Variants in TTC7B observed in about 807,000 individuals in gnomAD.
TTC7B encodes the protein tetratricopeptide repeat domain 7B.
Under a neutral mutation model 106.8 loss-of-function variants are expected in TTC7B, and 28 were observed. That is an observed-to-expected ratio of 0.26 (90% CI 0.19 to 0.36). The LOEUF is 0.36. Ranked by LOEUF, TTC7B falls within the 10% of genes least tolerant of loss-of-function variation. TTC7B has a pLI of 1.00. For synonymous variants in TTC7B, 405 were observed against 430.6 expected, an observed-to-expected ratio of 0.94 and a Z score of 0.74; for missense variants, 862 against 1,076.4, an observed-to-expected ratio of 0.80 and a Z score of 2.79.
At chr14:90,591,572 C>T (rs1891959167) in intron 18 of TTC7B, among the ~76,000 whole-genome samples, 2 of 152,204 alleles carry the variant, frequency 1.3e-5, no homozygotes, top group African/African-American at 2.4e-5. Flanking sequence ...GCAAGAGAAG[C>T]ACCACCTTCG....
intron 17 of TTC7B, among the ~76,000 whole-genome samples, chr14:90,609,367 T>A (rs1566796513): frequency 6.6e-6 from 1 of 152,260 alleles, no homozygotes; most frequent in Non-Finnish European, 1.5e-5. Flanking sequence ...CTTTTGGATC[T>A]GATTTCTCAA....
chr14:90,590,293 C>T (rs1806645333), intron 18 of TTC7B, among the ~76,000 whole-genome samples: 1 of 152,190 alleles, frequency 6.6e-6, no homozygotes. Flanking sequence ...TATACATGCA[C>T]AGACAAGTGG....
rs1309354997 is a variant in TTC7B, at chr14:90,534,545, G to T, written c.*6823C>A. 3 of 152,596 alleles carry T rather than the reference G, an allele frequency of 2.0e-5. No individual in the cohort carries two copies. Among genetic ancestry groups the T allele is most frequent in the African/African-American group, 7.2e-5 (3 of 41,594 alleles). The allele number at this position is 152,596 out of a possible 1,614,324, so 9.5% of individuals were successfully genotyped here. ...AGTTTACAGAACTTCAATATGAGTG[G>T]TGTCCCCTCACTGGGCAATGCCCAC... is the stretch of plus-strand genomic sequence containing the variant. On this transcript the variant is annotated 3_prime_UTR_variant, in exon 20 of 20. Transcript: ENST00000328459.
intron 15 of TTC7B, among the ~76,000 whole-genome samples, chr14:90,623,211 C>A (rs1260140874): frequency 2.0e-5 from 3 of 152,174 alleles, no homozygotes; most frequent in Admixed American, 2.0e-4. Context: ...AGCCAGGAAA[C>A]TTCTGCTTTG....
chr14:90,724,235 T>C (rs1217918216), intron 5 of TTC7B, among the ~76,000 whole-genome samples: 2 of 152,164 alleles, frequency 1.3e-5, no homozygotes, highest in African/African-American at 2.4e-5. Context: ...TGATAACACA[T>C]ACAACTATCC....
chr14:90,807,353 C>T lies in TTC7B; in HGVS notation c.121+8822G>A, dbSNP rs1262624356. 6.6e-6 allele frequency among the ~76,000 whole-genome samples: 1 copy of T among 152,182 alleles called. No individual in the cohort carries two copies. The highest frequency in any genetic ancestry group is 1.5e-5 in the Non-Finnish European group (1 of 68,026). Reference sequence around the variant, plus strand: ...CTACAGGGTCACATTCTGTCTCCCACTCGGACAACCACGTCTAAAGTCTGG... The same window carrying T: ...CTACAGGGTCACATTCTGTCTCCCATTCGGACAACCACGTCTAAAGTCTGG... On this transcript the variant is annotated intron_variant, in intron 1 of 19. Coordinates refer to ENST00000328459, the MANE Select transcript of TTC7B (RefSeq NM_001010854.2). The surrounding 1 kb of genome is among the most constrained non-coding windows in gnomAD (Gnocchi z 4.1).
chr14:90,794,251 G>A (rs1414832831), intron 1 of TTC7B, among the ~76,000 whole-genome samples: 6 of 131,070 alleles, frequency 4.6e-5, no homozygotes, highest in African/African-American at 1.3e-4. Context: ...ACGGAGTCTC[G>A]CTCTGTCACC....
At position 90,766,711 on chromosome 14, in the gene TTC7B, G is replaced by A. The variant is rs897350696; in HGVS notation, c.445+14027C>T. ...CACCAAGAGGGCGGGAGAACTCACT[G>A]AGGATGAGGTGGAACGTGTGATCAC... is the stretch of plus-strand genomic sequence containing the variant. On this transcript the variant is annotated intron_variant, in intron 3 of 19. Transcript: ENST00000328459. The A allele has an allele frequency of 8.0e-6, 12 of 1,508,452 alleles. No homozygotes were observed. In the African/African-American group the frequency reaches 1.5e-4, roughly 19 times the overall value. The allele number at this position is 1,508,452 out of a possible 1,614,324, so 93.4% of individuals were successfully genotyped here.
At chr14:90,614,530 T>C (rs531968272) in intron 16 of TTC7B, among the ~76,000 whole-genome samples, 2 of 152,284 alleles carry the variant, frequency 1.3e-5, no homozygotes, top group South Asian at 2.1e-4. Flanking sequence ...GGGGAAAGAA[T>C]TGGTTAACAA....
At chr14:90,714,091 G>A (rs749051240) in intron 5 of TTC7B, among the ~76,000 whole-genome samples, 3 of 152,174 alleles carry the variant, frequency 2.0e-5, no homozygotes, top group Non-Finnish European at 2.9e-5. Context: ...TTAGCTGAGC[G>A]TGGTGGCACA....
intron 7 of TTC7B, among the ~76,000 whole-genome samples, chr14:90,684,082 G>A (rs560974164): frequency 6.6e-6 from 1 of 152,214 alleles, no homozygotes; most frequent in South Asian, 2.1e-4. Context: ...AGGAGGTTCA[G>A]ATCTACACTC....
rs1566754504 is a variant in TTC7B, at chr14:90,530,846, T to C, written c.*10522A>G. On this transcript the variant is annotated 3_prime_UTR_variant, in exon 20 of 20. Coordinates refer to ENST00000328459, the MANE Select transcript of TTC7B (RefSeq NM_001010854.2). ...CATGTAAGACAGGAAATGTGCGTTG[T>C]TTTATTGGGTGCAGTGTATACTGCT... 1 of 152,266 alleles carries C rather than the reference T, an allele frequency of 6.6e-6. No homozygotes were observed. The highest frequency in any genetic ancestry group is 1.5e-5 in the Non-Finnish European group (1 of 68,066). The allele number at this position is 152,266 out of a possible 1,614,324, so 9.4% of individuals were successfully genotyped here.
chr14:90,585,366 T>A (rs553728888), intron 18 of TTC7B, among the ~76,000 whole-genome samples: 1 of 152,188 alleles, frequency 6.6e-6, no homozygotes, highest in East Asian at 1.9e-4. Flanking sequence ...TCCTGACCCA[T>A]CCCCTCCGCT....
intron 5 of TTC7B, among the ~76,000 whole-genome samples, chr14:90,712,815 A>G (rs919337103): frequency 1.3e-5 from 2 of 152,128 alleles, no homozygotes; most frequent in Non-Finnish European, 2.9e-5. Context: ...AAATAGCCAA[A>G]ATAATTTTTA....
At position 90,564,156 on chromosome 14, in the gene TTC7B, G is replaced by A. The variant is rs546011228; in HGVS notation, c.2310+13950C>T. Reference sequence around the variant, plus strand: ...AGGAATCACTATCTATGTCTAAATCGCTCCTTGATCCATGGGCTGTAAAGT... The same window carrying A: ...AGGAATCACTATCTATGTCTAAATCACTCCTTGATCCATGGGCTGTAAAGT... On this transcript the variant is annotated intron_variant, in intron 19 of 19. Coordinates refer to ENST00000328459, the MANE Select transcript of TTC7B (RefSeq NM_001010854.2). Among the ~76,000 whole-genome samples the A allele has an allele frequency of 5.1e-4, 77 of 151,938 alleles. No homozygotes were observed. In the South Asian group the frequency reaches 0.012, roughly 25 times the overall value.
At position 90,600,373 on chromosome 14, in the gene TTC7B, C is replaced by T. The variant is rs912427951; in HGVS notation, c.1967-6747G>A. Among the ~76,000 whole-genome samples, 4 of 152,168 alleles carry T rather than the reference C, an allele frequency of 2.6e-5. No individual in the cohort carries two copies. Among genetic ancestry groups the T allele is most frequent in the South Asian group, 4.1e-4 (2 of 4,830 alleles). ...TGGGAGCTGCCCTCGCGCCTTGTGT[C>T]CCCCAGTGTGACAGCAGGGGCGGGG... is the stretch of plus-strand genomic sequence containing the variant. On this transcript the variant is annotated intron_variant, in intron 17 of 19. Coordinates refer to ENST00000328459, the MANE Select transcript of TTC7B (RefSeq NM_001010854.2). The surrounding 1 kb of genome is among the most constrained non-coding windows in gnomAD (Gnocchi z 4.3).
chr14:90,727,229 C>T (rs1003611169), intron 5 of TTC7B, among the ~76,000 whole-genome samples: 5 of 152,182 alleles, frequency 3.3e-5, no homozygotes, highest in East Asian at 3.9e-4. Flanking sequence ...ATGTCCTGTC[C>T]GGGGTCAAGT....
chr14:90,729,451 C>A (rs1333814737), intron 5 of TTC7B, among the ~76,000 whole-genome samples: 1 of 152,200 alleles, frequency 6.6e-6, no homozygotes, highest in East Asian at 1.9e-4. Context: ...TCTTCATGCA[C>A]ATCTATCCTG....
intron 18 of TTC7B, among the ~76,000 whole-genome samples, 179 bp downstream of exon 18, chr14:90,593,307 T>C (rs1224644839): frequency 6.6e-6 from 1 of 152,176 alleles, no homozygotes; most frequent in Non-Finnish European, 1.5e-5. Flanking sequence ...CAGAGTCACT[T>C]GCGGTTTGTG....
Sources: allele counts gnomAD v4.1 joint callset (sites outside exome capture counted in the v4.1 genomes callset), GRCh38; gene constraint gnomAD v4.1.1; non-coding constraint Gnocchi (gnomAD v3.1); transcripts MANE v1.5; gene names NCBI Gene and HGNC (gene_info 2026-07-23, HGNC 2026-07-21).